The following TRPM6 variants were observed in gnomAD, a reference collection of about 807,000 sequenced individuals.
The protein encoded by TRPM6 is channel kinase 2.
TRPM6 carries 111 observed loss-of-function variants against 247.6 expected under a neutral mutation model. The ratio of observed to expected loss-of-function variants is 0.45; its 90% CI spans 0.38 to 0.52. TRPM6 has a LOEUF of 0.52. Ranked by LOEUF, TRPM6 falls within the 20% of genes least tolerant of loss-of-function variation. The pLI is 0.00. For synonymous variants in TRPM6, 892 were observed against 853.8 expected (o/e 1.04, Z -0.78); for missense variants, 2,126 against 2,421.5 (o/e 0.88, Z 2.56).
intron 12 of TRPM6, among the ~76,000 whole-genome samples, chr9:74,811,229 A>T (rs974031717): frequency 6.6e-6 from 1 of 152,198 alleles, no homozygotes; most frequent in Non-Finnish European, 1.5e-5. Context: ...TCAATTAGGG[A>T]TTCAATGACA....
chr9:74,804,787 G>A (rs898573672), intron 14 of TRPM6: 23 of 682,380 alleles, frequency 3.4e-5, no homozygotes, highest in Middle Eastern at 7.1e-4. Flanking sequence ...GCCCTTGCAC[G>A]GGCTCGTAAG....
At chr9:74,824,094 GA>G (rs927838574) in intron 7 of TRPM6, among the ~76,000 whole-genome samples, 1 of 147,698 alleles carries the variant, frequency 6.8e-6, no homozygotes, top group South Asian at 2.1e-4. Flanking sequence ...ATCCGAAAAA[GA>G]AAAAAAAATT....
At chr9:74,815,205 AC>A (rs1330806184) in intron 11 of TRPM6, among the ~76,000 whole-genome samples, 1 of 152,262 alleles carries the variant, frequency 6.6e-6, no homozygotes, top group East Asian at 1.9e-4. Flanking sequence ...CAAAATGGAT[AC>A]AGAGACTCAC....
intron 5 of TRPM6, among the ~76,000 whole-genome samples, chr9:74,839,236 T>C (rs1829834317): frequency 6.6e-6 from 1 of 152,082 alleles, no homozygotes; most frequent in East Asian, 1.9e-4. Flanking sequence ...ACTAAAAGCC[T>C]CTAATTCATC....
chr9:74,751,275 T>C (rs1826234906), intron 29 of TRPM6, among the ~76,000 whole-genome samples: 1 of 152,212 alleles, frequency 6.6e-6, no homozygotes, highest in South Asian at 2.1e-4. Flanking sequence ...GGCCTTTTCA[T>C]AGTTGTTATT....
intron 3 of TRPM6, among the ~76,000 whole-genome samples, chr9:74,847,707 A>T (rs2118258295): frequency 6.6e-6 from 1 of 152,174 alleles, no homozygotes; most frequent in Non-Finnish European, 1.5e-5. Context: ...ATAGTCATAT[A>T]TAGTCAAAGA....
chr9:74,826,568 T>C (rs1829335871), intron 7 of TRPM6, among the ~76,000 whole-genome samples: 1 of 152,072 alleles, frequency 6.6e-6, no homozygotes, highest in South Asian at 2.1e-4. Flanking sequence ...TCCTGCTCTC[T>C]GTAAAGGATT....
At chr9:74,879,113 A>T (rs933942345) in intron 1 of TRPM6, among the ~76,000 whole-genome samples, 3 of 152,034 alleles carry the variant, frequency 2.0e-5, no homozygotes, top group African/African-American at 7.2e-5. Context: ...AAAATTGACA[A>T]AAGACATAAA....
intron 36 of TRPM6, among the ~76,000 whole-genome samples, chr9:74,734,098 G>A (rs887267390): frequency 6.6e-6 from 1 of 152,172 alleles, no homozygotes; most frequent in Non-Finnish European, 1.5e-5. Context: ...ATCAAAACAG[G>A]AATCAGCACC....
chr9:74,774,401 A>T (rs530052370), intron 24 of TRPM6, among the ~76,000 whole-genome samples: 22 of 152,230 alleles, frequency 1.4e-4, no homozygotes, highest in Non-Finnish European at 2.9e-5. Context: ...CAGTATAATT[A>T]TAAGCCTTCA....
At chr9:74,887,203 AG>A in intron 1 of TRPM6, 1 of 1,248,152 alleles carries the variant, frequency 8.0e-7, no homozygotes, top group Non-Finnish European at 1.0e-6. Flanking sequence ...TGGGGAAGGA[AG>A]CGGACTGCGG....
chr9:74,832,387 A>ATCATTATT (rs1286256888), intron 6 of TRPM6, among the ~76,000 whole-genome samples: 1 of 152,202 alleles, frequency 6.6e-6, no homozygotes, highest in Non-Finnish European at 1.5e-5. Context: ...AAATCACTAA[A>ATCATTATT]TAATGAAGAC....
intron 36 of TRPM6, among the ~76,000 whole-genome samples, chr9:74,734,717 ACTAGTAAAAT>A (rs1825635130): frequency 6.6e-6 from 1 of 152,176 alleles, no homozygotes; most frequent in South Asian, 2.1e-4. Flanking sequence ...TTTCCTTATC[ACTAGTAAAAT>A]CATGTTTCTG....
chr9:74,801,434 G>C (rs1828335461), intron 16 of TRPM6, among the ~76,000 whole-genome samples: 1 of 151,696 alleles, frequency 6.6e-6, no homozygotes, highest in African/African-American at 2.4e-5. Context: ...TAACACTTTA[G>C]TAACTTCAAA....
At chr9:74,741,438 C>T (rs945600577) in intron 33 of TRPM6, among the ~76,000 whole-genome samples, 6 of 152,048 alleles carry the variant, frequency 3.9e-5, no homozygotes, top group African/African-American at 1.4e-4. Flanking sequence ...AGGTAATGCT[C>T]AGTAACAACT....
At chr9:74,851,947 A>T (rs1035268401) in intron 3 of TRPM6, among the ~76,000 whole-genome samples, 1 of 151,438 alleles carries the variant, frequency 6.6e-6, no homozygotes, top group Non-Finnish European at 1.5e-5. Context: ...GCAACATAGC[A>T]AGAACCCATC....
intron 23 of TRPM6, among the ~76,000 whole-genome samples, chr9:74,780,311 C>T (rs1048864890): frequency 1.3e-5 from 2 of 151,832 alleles, no homozygotes; most frequent in African/African-American, 2.4e-5. Context: ...AAAAATTAGC[C>T]AGGTGTGTGG....
At chr9:74,841,574 G>A (rs1829940811) in intron 4 of TRPM6, among the ~76,000 whole-genome samples, 1 of 151,548 alleles carries the variant, frequency 6.6e-6, no homozygotes, top group African/African-American at 2.4e-5. Flanking sequence ...GTGCAATCTT[G>A]GCTCACTGCA....
chr9:74,863,350 A>G (rs1830746919), intron 1 of TRPM6, among the ~76,000 whole-genome samples: 1 of 151,940 alleles, frequency 6.6e-6, no homozygotes, highest in Non-Finnish European at 1.5e-5. Context: ...CATGACTGAA[A>G]CAAAGTTTTA....
Sources: gnomAD v4.1 joint callset for allele counts (sites outside exome capture counted in the v4.1 genomes callset) on GRCh38, gnomAD v4.1.1 for gene constraint, MANE v1.5 for transcripts, NCBI Gene and HGNC (gene_info 2026-07-23, HGNC 2026-07-21) for gene names.